The following COG5 variants were observed in gnomAD, a reference collection of about 807,000 sequenced individuals.
COG5 encodes component of oligomeric golgi complex 5.
COG5 carries 86 observed loss-of-function variants against 110.4 expected under a neutral mutation model. The observed-to-expected ratio is 0.78, with a 90% CI of 0.65 to 0.93. COG5 has a LOEUF of 0.93. Ranked by LOEUF, COG5 falls within the 40% of genes least tolerant of loss-of-function variation. The pLI is 0.00. For missense variants in COG5, 1,077 were observed against 987.0 expected (o/e 1.09, Z -1.22); for synonymous variants, 360 against 334.6 (o/e 1.08, Z -0.83).
At chr7:107,290,203 C>T (rs1205950377) in intron 12 of COG5, among the ~76,000 whole-genome samples, 3 of 152,066 alleles carry the variant, frequency 2.0e-5, no homozygotes, top group Non-Finnish European at 4.4e-5. Context: ...AGAATGTGAC[C>T]ACTTATCTCA....
At chr7:107,213,989 C>G (rs559223876) in intron 19 of COG5, among the ~76,000 whole-genome samples, 2 of 152,080 alleles carry the variant, frequency 1.3e-5, no homozygotes, top group Non-Finnish European at 2.9e-5. Context: ...GTTCAGGAAA[C>G]TACAAGAATA....
intron 21 of COG5, among the ~76,000 whole-genome samples, chr7:107,204,824 T>A (rs1391949158): frequency 6.6e-6 from 1 of 152,192 alleles, no homozygotes; most frequent in African/African-American, 2.4e-5. Flanking sequence ...CTTCTTCCTG[T>A]CCTCTGGACA....
chr7:107,488,972 T>C (rs993412396), intron 6 of COG5, among the ~76,000 whole-genome samples: 5 of 152,222 alleles, frequency 3.3e-5, no homozygotes, highest in Non-Finnish European at 7.3e-5. Flanking sequence ...TTTTCCATTT[T>C]TAGAGACCTG....
At chr7:107,381,881 C>G (rs10261001) in intron 7 of COG5, among the ~76,000 whole-genome samples, 16,137 of 152,058 alleles carry the variant, frequency 0.11, 2,014 homozygotes, top group African/African-American at 0.3. Flanking sequence ...AGGTATACCC[C>G]CCGTGATCAA....
intron 5 of COG5, among the ~76,000 whole-genome samples, chr7:107,542,926 C>T (rs1310574801): frequency 6.7e-6 from 1 of 149,514 alleles, no homozygotes; most frequent in Non-Finnish European, 1.5e-5. Flanking sequence ...GAGCCAAGAT[C>T]GCTCCATTGC....
intron 9 of COG5, 77 bp downstream of exon 9, chr7:107,362,231 C>T: frequency 7.1e-7 from 1 of 1,402,488 alleles, no homozygotes; most frequent in South Asian, 1.2e-5. Context: ...ATTAAAAAAC[C>T]TGCCCAAGGT....
chr7:107,325,136 A>G (rs555046153), intron 10 of COG5, among the ~76,000 whole-genome samples: 7 of 152,320 alleles, frequency 4.6e-5, no homozygotes, highest in African/African-American at 1.7e-4. Flanking sequence ...AACTTTGAAT[A>G]TATGTTTTAA....
chr7:107,380,349 C>T (rs962524835), intron 7 of COG5, among the ~76,000 whole-genome samples: 2 of 151,518 alleles, frequency 1.3e-5, no homozygotes, highest in Admixed American at 1.3e-4. Context: ...CACGAAAAAC[C>T]CTTAAAAAAA....
At chr7:107,248,663 T>C (rs1802244941) in intron 16 of COG5, among the ~76,000 whole-genome samples, 164 bp from the exon 17 acceptor site, 1 of 152,130 alleles carries the variant, frequency 6.6e-6, no homozygotes, top group Non-Finnish European at 1.5e-5. Flanking sequence ...CTGTCGGTAA[T>C]GATTTTTAAA....
chr7:107,540,440 T>C lies in COG5; in HGVS notation c.417+7671A>G, dbSNP rs1382832567. 3.3e-5 allele frequency among the ~76,000 whole-genome samples: 5 copies of C among 150,550 alleles called. No individual in the cohort carries two copies. The East Asian group carries it at 9.7e-4, about 29-fold the overall frequency. On this transcript the variant is annotated intron_variant, in intron 5 of 21. Transcript: ENST00000297135. ...AAAAAAAAAAAAAATTAGCTGGGCA[T>C]GGTAGTGTGTGCCTTTAGTCCCAGC...
intron 6 of COG5, among the ~76,000 whole-genome samples, chr7:107,414,743 T>TTTTTTTTTC (rs1554434310): frequency 8.6e-6 from 1 of 115,724 alleles, no homozygotes; most frequent in Non-Finnish European, 1.7e-5. Context: ...TTTTTTTTTT[T>TTTTTTTTTC]CCGAGACTCA....
intron 14 of COG5, among the ~76,000 whole-genome samples, chr7:107,278,498 C>T (rs541126794): frequency 6.6e-5 from 10 of 152,246 alleles, no homozygotes; most frequent in African/African-American, 1.7e-4. Context: ...TCAACTCCCA[C>T]TTATGGGTGA....
At chr7:107,235,606 G>A (rs1282376922) in intron 18 of COG5, among the ~76,000 whole-genome samples, 4 of 152,204 alleles carry the variant, frequency 2.6e-5, no homozygotes, top group African/African-American at 9.7e-5. Context: ...GGGAAGCTGA[G>A]GCAGAGGAAT....
At chr7:107,531,932 T>C (rs983614106) in intron 5 of COG5, among the ~76,000 whole-genome samples, 2 of 152,160 alleles carry the variant, frequency 1.3e-5, no homozygotes, top group Non-Finnish European at 2.9e-5. Context: ...AACCGAGCAG[T>C]CGTTGATAGC....
intron 1 of COG5, among the ~76,000 whole-genome samples, chr7:107,561,963 G>C (rs936203105): frequency 2.6e-5 from 4 of 151,364 alleles, no homozygotes; most frequent in African/African-American, 9.7e-5. Flanking sequence ...GCAACAGCGC[G>C]AGACTCCGTC....
At chr7:107,228,026 T>A (rs1470652900) in intron 19 of COG5, among the ~76,000 whole-genome samples, 1 of 152,098 alleles carries the variant, frequency 6.6e-6, no homozygotes, top group East Asian at 1.9e-4. Flanking sequence ...TGTGGTGGCT[T>A]ACACCTGCCA....
intron 6 of COG5, among the ~76,000 whole-genome samples, chr7:107,518,154 G>A (rs193073222): frequency 2.6e-5 from 4 of 152,206 alleles, no homozygotes; most frequent in South Asian, 2.1e-4. Context: ...AGCTACTGAA[G>A]GAAGCACTAA....
At chr7:107,312,070 C>T (rs1808320222) in intron 11 of COG5, among the ~76,000 whole-genome samples, 1 of 150,702 alleles carries the variant, frequency 6.6e-6, no homozygotes, top group Non-Finnish European at 1.5e-5. Context: ...CTATAATAAT[C>T]ACCACTAATG....
chr7:107,558,840 A>G (rs1342328351), intron 1 of COG5, among the ~76,000 whole-genome samples: 1 of 136,122 alleles, frequency 7.3e-6, no homozygotes, highest in East Asian at 2.5e-4. Context: ...GTGAGCTGAG[A>G]TTGCGCCATT....
Sources: gnomAD v4.1 joint callset for allele counts (sites outside exome capture counted in the v4.1 genomes callset) on GRCh38, gnomAD v4.1.1 for gene constraint, MANE v1.5 for transcripts, NCBI Gene and HGNC (gene_info 2026-07-23, HGNC 2026-07-21) for gene names.